Variants in STIM1 observed in about 807,000 individuals in gnomAD.
STIM1 encodes stromal interaction molecule 1.
Under a neutral mutation model 74.7 loss-of-function variants are expected in STIM1, and 25 were observed. The ratio of observed to expected loss-of-function variants is 0.33; its 90% CI spans 0.24 to 0.47. The LOEUF is 0.47. STIM1 is among the 20% of genes least tolerant of loss of function. The pLI is 1.00. For synonymous variants in STIM1, 328 were observed against 348.8 expected, an observed-to-expected ratio of 0.94 and a Z score of 0.66; for missense variants, 728 against 920.8, an observed-to-expected ratio of 0.79 and a Z score of 2.71.
chr11:4,009,379 G>A (rs539630482), intron 2 of STIM1, among the ~76,000 whole-genome samples: 242 of 152,058 alleles, frequency 1.6e-3, no homozygotes, highest in Non-Finnish European at 2.8e-3. Context: ...TTGGGAGGCC[G>A]AGGCAGGCAG....
chr11:3,992,103 TTTTTTTTTA>T (rs2093621665), intron 2 of STIM1, among the ~76,000 whole-genome samples: 3 of 138,778 alleles, frequency 2.2e-5, no homozygotes, highest in Non-Finnish European at 4.8e-5. Context: ...TTTTTTTTTT[TTTTTTTTTA>T]GTTTTTAATA....
upstream of STIM1, chr11:3,854,619 C>G (rs2090294744): frequency 6.6e-6 from 1 of 152,244 alleles, no homozygotes; most frequent in Non-Finnish European, 1.5e-5. Context: ...TTGGCGCACT[C>G]ATTCTCAAGT....
chr11:3,956,764 A>C (rs1341923739), intron 1 of STIM1, among the ~76,000 whole-genome samples: 1 of 144,736 alleles, frequency 6.9e-6, no homozygotes, highest in African/African-American at 2.5e-5. Flanking sequence ...TAGAGGCTGC[A>C]GTGAACCATG....
intron 1 of STIM1, chr11:3,892,898 A>G: frequency 6.9e-7 from 1 of 1,441,034 alleles, no homozygotes; most frequent in Non-Finnish European, 9.8e-7. Flanking sequence ...GGCTGATAGT[A>G]CGGGGCTCCC....
chr11:3,980,409 G>A (rs1434912649), intron 2 of STIM1, among the ~76,000 whole-genome samples: 3 of 152,030 alleles, frequency 2.0e-5, no homozygotes, highest in African/African-American at 7.2e-5. Context: ...CCCCAGACAT[G>A]CTCTTCATAT....
chr11:4,013,085 T>C (rs1050716822), intron 2 of STIM1, among the ~76,000 whole-genome samples: 4 of 152,244 alleles, frequency 2.6e-5, no homozygotes, highest in Non-Finnish European at 5.9e-5. Flanking sequence ...AACTTGATCA[T>C]GGTGGATAAG....
chr11:3,960,430 A>G (rs2093273229), intron 1 of STIM1, among the ~76,000 whole-genome samples: 1 of 152,218 alleles, frequency 6.6e-6, no homozygotes, highest in African/African-American at 2.4e-5. Context: ...AATTGTGGCT[A>G]TTTTGATATT....
chr11:3,998,340 G>T (rs1370678771), intron 2 of STIM1, among the ~76,000 whole-genome samples: 1 of 152,206 alleles, frequency 6.6e-6, no homozygotes, highest in African/African-American at 2.4e-5. Flanking sequence ...CCAAGCTAGT[G>T]TAACTCTCTG....
At chr11:4,000,790 G>C (rs1181316412) in intron 2 of STIM1, among the ~76,000 whole-genome samples, 1 of 152,164 alleles carries the variant, frequency 6.6e-6, no homozygotes, top group East Asian at 1.9e-4. Context: ...ACTACTCCAA[G>C]CTACAGGAGG....
intron 1 of STIM1, among the ~76,000 whole-genome samples, chr11:3,894,905 A>ATTTTTTTTT: frequency 8.8e-6 from 1 of 113,234 alleles, no homozygotes; most frequent in Non-Finnish European, 1.7e-5. Context: ...CGCCTGGCTA[A>ATTTTTTTTT]TTTTTTTTTT....
chr11:4,058,721 A>G (rs1403422215), intron 4 of STIM1: 1 of 883,438 alleles, frequency 1.1e-6, no homozygotes, highest in Non-Finnish European at 1.4e-6. Context: ...CTTGTATTGC[A>G]GTGACTCAAA....
intron 1 of STIM1, among the ~76,000 whole-genome samples, chr11:3,903,053 CTTAT>C (rs2092389735): frequency 6.6e-6 from 1 of 152,076 alleles, no homozygotes; most frequent in Non-Finnish European, 1.5e-5. Flanking sequence ...TAATGCTAAG[CTTAT>C]TTAATTTTTA....
Position 3,941,696 on chromosome 11 carries a change from A to AGAGT in STIM1, c.140-25855_140-25854insAGTG, listed in dbSNP as rs1214690521. Among the ~76,000 whole-genome samples the AGAGT allele has an allele frequency of 1.7e-3, 245 of 141,846 alleles. 2 individuals carry two copies. The highest frequency in any genetic ancestry group is 6.1e-3 in the African/African-American group (230 of 37,404). 93.1% of individuals were successfully genotyped at this position (141,846 alleles called of 152,430 possible). A position where few individuals can be genotyped will look rare whatever the true frequency, so the allele number is the denominator to read the frequency against. ...TATAGAGAGAGAGAGAGAGAGAGAGAGTGTGTGTGTGTCTCAGTGTCACTG... is the reference window on the plus strand; with the variant it reads ...TATAGAGAGAGAGAGAGAGAGAGAGAGAGTGTGTGTGTGTGTCTCAGTGTCACTG... On this transcript the variant is annotated intron_variant, in intron 1 of 12. Transcript: ENST00000526596.
At chr11:3,976,059 G>A (rs1329303347) in intron 2 of STIM1, among the ~76,000 whole-genome samples, 1 of 152,118 alleles carries the variant, frequency 6.6e-6, no homozygotes, top group Admixed American at 6.5e-5. Flanking sequence ...ATTTGTGATT[G>A]CCAAAAACTG....
intron 1 of STIM1, among the ~76,000 whole-genome samples, chr11:3,944,417 G>A (rs2093047544): frequency 6.6e-6 from 1 of 152,206 alleles, no homozygotes; most frequent in African/African-American, 2.4e-5. Context: ...AAGGGAGGGA[G>A]CATGAGTATA....
intron 1 of STIM1, among the ~76,000 whole-genome samples, chr11:3,889,109 GCTTA>G (rs1304460024): frequency 1.1e-3 from 159 of 149,224 alleles, no homozygotes; most frequent in African/African-American, 3.8e-3. Flanking sequence ...TTTAGTGAGT[GCTTA>G]CTATGTGCCA....
In STIM1 at chr11:4,082,858, G is replaced by A. The variant is rs533834581; in HGVS notation, c.1138-24G>A. On this transcript the variant is annotated intron_variant, in intron 8 of 12. Coordinates refer to ENST00000526596, the MANE Select transcript of STIM1 (RefSeq NM_001382567.1). ...CCATTCTCGAATCCCTGCTCTTTTT[G>A]AGCTGGGGGCCTCATCTTTGCAGGC... 1.9e-5 allele frequency: 31 copies of A among 1,607,144 alleles called. No individual in the cohort carries two copies. The African/African-American group carries it at 3.7e-4, about 19-fold the overall frequency.
At chr11:3,946,491 AC>A (rs1471190435) in intron 1 of STIM1, among the ~76,000 whole-genome samples, 1 of 152,122 alleles carries the variant, frequency 6.6e-6, no homozygotes, top group African/African-American at 2.4e-5. Flanking sequence ...AAAGTAGCAT[AC>A]TTTGAGATTA....
chr11:4,053,062 A>T (rs1225944873), intron 3 of STIM1, among the ~76,000 whole-genome samples: 1 of 152,254 alleles, frequency 6.6e-6, no homozygotes, highest in Non-Finnish European at 1.5e-5. Context: ...AATGGTGATC[A>T]TTAAAAAGTC....
Sources: allele counts gnomAD v4.1 joint callset (sites outside exome capture counted in the v4.1 genomes callset), GRCh38; gene constraint gnomAD v4.1.1; transcripts MANE v1.5; gene names NCBI Gene and HGNC (gene_info 2026-07-23, HGNC 2026-07-21).